ZNF362: variants seen among roughly 807,000 people sequenced by gnomAD.
ZNF362 encodes the protein rotund homolog.
Under a neutral mutation model 42.9 loss-of-function variants are expected in ZNF362, and 11 were observed. The ratio of observed to expected loss-of-function variants is 0.26; its 90% CI spans 0.16 to 0.42. The LOEUF is 0.42. ZNF362 is among the 20% of genes least tolerant of loss of function. The probability of loss-of-function intolerance (pLI) is 1.00; values close to 1 mark genes in which losing one functional copy is unlikely to be tolerated. For synonymous variants in ZNF362, 255 were observed against 257.3 expected, an observed-to-expected ratio of 0.99 and a Z score of 0.09; for missense variants, 362 against 576.2, an observed-to-expected ratio of 0.63 and a Z score of 3.81.
the ZNF362 span, among the ~76,000 whole-genome samples, chr1:33,136,163 CTT>C: frequency 4.1e-3 from 603 of 147,566 alleles, 7 homozygotes; most frequent in African/African-American, 0.014. Flanking sequence ...TCCTTCCTTC[CTT>C]CCTTCCTTCC....
chr1:33,193,946 A>G, the ZNF362 span, among the ~76,000 whole-genome samples: 157 of 152,328 alleles, frequency 1.0e-3, no homozygotes, highest in African/African-American at 3.6e-3. Context: ...GGGAGATCTT[A>G]GTGGTGCATA....
At chr1:33,214,202 G>C in the ZNF362 span, among the ~76,000 whole-genome samples, 3 of 152,328 alleles carry the variant, frequency 2.0e-5, no homozygotes, top group African/African-American at 7.2e-5. Flanking sequence ...GACATCTACA[G>C]TGAACTCATT....
chr1:33,176,528 C>T, the ZNF362 span: 1 of 649,070 alleles, frequency 1.5e-6, no homozygotes, highest in Non-Finnish European at 2.9e-6. Context: ...CGGATCCCCT[C>T]TCTGGGGGTT....
At chr1:33,282,046 T>C in intron 6 of ZNF362, 2 of 557,914 alleles carry the variant, frequency 3.6e-6, no homozygotes, top group Non-Finnish European at 6.5e-6. Flanking sequence ...GACACCCCTC[T>C]CCCGCTTTTC....
chr1:33,274,102 A>T (rs1645924871), intron 2 of ZNF362, among the ~76,000 whole-genome samples: 1 of 152,074 alleles, frequency 6.6e-6, no homozygotes, highest in Non-Finnish European at 1.5e-5. Context: ...CTGCTGTGTG[A>T]GCGGGTGCTC....
Position 33,291,975 on chromosome 1 carries a change from G to A in ZNF362, c.909-2962G>A, listed in dbSNP as rs566824780. ...GCTTAAGGAGATTTTGGGCTGAGAC[G>A]ATGGGGTTTTCTAGATATACAGTCA... On this transcript the variant is annotated intron_variant, in intron 6 of 8. Coordinates refer to ENST00000539719, the MANE Select transcript of ZNF362 (RefSeq NM_152493.3). 8.5e-5 allele frequency among the ~76,000 whole-genome samples: 13 copies of A among 152,226 alleles called. No homozygotes were observed. In the South Asian group the frequency reaches 2.1e-3, roughly 24 times the overall value.
the ZNF362 span, among the ~76,000 whole-genome samples, chr1:33,246,462 T>A: frequency 6.6e-6 from 1 of 152,192 alleles, no homozygotes; most frequent in Non-Finnish European, 1.5e-5. Context: ...CAATCGATGT[T>A]CACTCAGGCC....
the ZNF362 span, among the ~76,000 whole-genome samples, chr1:33,219,610 G>A: frequency 2.0e-5 from 3 of 152,152 alleles, no homozygotes; most frequent in Non-Finnish European, 2.9e-5. Context: ...AGAGGGGTGA[G>A]ACGGGGCATG....
intron 6 of ZNF362, among the ~76,000 whole-genome samples, chr1:33,289,497 A>G (rs1646060508): frequency 6.6e-6 from 1 of 152,116 alleles, no homozygotes; most frequent in Non-Finnish European, 1.5e-5. Context: ...TTGCACGTGC[A>G]TGGGAGGAGG....
chr1:33,199,457 A>T, the ZNF362 span, among the ~76,000 whole-genome samples: 4 of 152,210 alleles, frequency 2.6e-5, no homozygotes, highest in African/African-American at 7.2e-5. Flanking sequence ...GGAAATAAAT[A>T]CTTTCTTGGA....
At chr1:33,282,879 G>C (rs1646006417) in intron 6 of ZNF362, among the ~76,000 whole-genome samples, 1 of 151,418 alleles carries the variant, frequency 6.6e-6, no homozygotes. Context: ...AGAAAGACTG[G>C]CTCACCAAAT....
At chr1:33,254,308 G>C (rs1210228779), upstream of ZNF362, among the ~76,000 whole-genome samples, 2 of 152,080 alleles carry the variant, frequency 1.3e-5, no homozygotes, top group Non-Finnish European at 2.9e-5. Flanking sequence ...ATTTTTAGTA[G>C]AGATGGGGTT....
intron 6 of ZNF362, among the ~76,000 whole-genome samples, chr1:33,286,480 C>T (rs192758424): frequency 7.2e-5 from 11 of 152,108 alleles, no homozygotes; most frequent in Admixed American, 4.6e-4. Context: ...ATTCTCCATT[C>T]CTGAGGGCAC....
chr1:33,184,112 T>G, the ZNF362 span, among the ~76,000 whole-genome samples: 1 of 151,566 alleles, frequency 6.6e-6, no homozygotes, highest in Non-Finnish European at 1.5e-5. Context: ...TGATGCTGAC[T>G]CCAAGCAGGT....
At chr1:33,268,716 T>C (rs1010368366) in intron 1 of ZNF362, among the ~76,000 whole-genome samples, 1 of 152,032 alleles carries the variant, frequency 6.6e-6, no homozygotes, top group African/African-American at 2.4e-5. Context: ...AGCAGAACCC[T>C]GGGGGAACTG....
intron 2 of ZNF362, chr1:33,275,479 C>T (rs1320024765): frequency 2.2e-5 from 17 of 762,478 alleles, no homozygotes; most frequent in South Asian, 5.9e-5. Flanking sequence ...AACAACCACA[C>T]GTGGCCTGTT....
Position 33,280,504 on chromosome 1 carries a change from C to T in ZNF362, c.683+47C>T. ...GGTCCGAGTGGGCTTGGGGCTGGGG[C>T]TTGAGCCAGGGCTGCTCCAGGAGCC... On this transcript the variant is annotated intron_variant, in intron 5 of 8. Transcript: ENST00000539719. The surrounding 1 kb of genome is among the most constrained non-coding windows in gnomAD (Gnocchi z 5.6). 1 of 1,502,160 alleles carries T rather than the reference C, an allele frequency of 6.7e-7. No individual in the cohort carries two copies. The highest frequency in any genetic ancestry group is 8.9e-7 in the Non-Finnish European group (1 of 1,119,450). 93.1% of individuals were successfully genotyped at this position (1,502,160 alleles called of 1,614,324 possible). A position where few individuals can be genotyped will look rare whatever the true frequency, so the allele number is the denominator to read the frequency against.
the ZNF362 span, among the ~76,000 whole-genome samples, chr1:33,243,742 G>A: frequency 4.0e-5 from 6 of 149,278 alleles, no homozygotes; most frequent in East Asian, 3.9e-4. Flanking sequence ...GACTACAGGC[G>A]CCCACCACTA....
At chr1:33,295,954 G>C (rs1646120654) in intron 8 of ZNF362, among the ~76,000 whole-genome samples, 1 of 152,206 alleles carries the variant, frequency 6.6e-6, no homozygotes, top group African/African-American at 2.4e-5. Context: ...TGGCAGAGTG[G>C]TGCCAAATCA....
Sources: gnomAD v4.1 joint callset for allele counts (sites outside exome capture counted in the v4.1 genomes callset) on GRCh38, gnomAD v4.1.1 for gene constraint, Gnocchi (gnomAD v3.1) non-coding constraint, MANE v1.5 for transcripts, NCBI Gene and HGNC (gene_info 2026-07-23, HGNC 2026-07-21) for gene names.